Variants in MTMR7 observed in about 807,000 individuals in gnomAD.
MTMR7 encodes the protein myotubularin related protein 7.
In MTMR7, 76 loss-of-function variants were observed where a neutral mutation model predicts 81.2. The ratio of observed to expected loss-of-function variants is 0.94; its 90% CI spans 0.78 to 1.13. The LOEUF is 1.13. Among genes scored for constraint, MTMR7 ranks in the 50% most tolerant of loss-of-function variants. The pLI is 0.00. For synonymous variants in MTMR7, 372 were observed against 289.8 expected (o/e 1.28, Z -2.88); for missense variants, 1,044 against 820.0 (o/e 1.27, Z -3.34).
intron 13 of MTMR7, chr8:17,301,918 G>A: frequency 2.3e-6 from 1 of 442,792 alleles, no homozygotes; most frequent in Non-Finnish European, 3.9e-6. Flanking sequence ...CTAAAATAAG[G>A]AACAACCAAA....
At chr8:17,364,161 C>G (rs1316788642) in intron 3 of MTMR7, among the ~76,000 whole-genome samples, 1 of 151,078 alleles carries the variant, frequency 6.6e-6, no homozygotes, top group Non-Finnish European at 1.5e-5. Context: ...TCCGGAGTAG[C>G]TGGGACTACA....
At chr8:17,371,904 T>C (rs2410527) in intron 2 of MTMR7, among the ~76,000 whole-genome samples, 1 of 145,726 alleles carries the variant, frequency 6.9e-6, no homozygotes, top group Non-Finnish European at 1.5e-5. Context: ...TTTACTCTCA[T>C]AATTATTTTG....
Position 17,302,189 on chromosome 8 carries a change from G to C in MTMR7, c.1585C>G (p.Gln529Glu), listed in dbSNP as rs143429445. The C allele has an allele frequency of 1.2e-6, 2 of 1,614,126 alleles. No individual in the cohort carries two copies. Among genetic ancestry groups the C allele is most frequent in the African/African-American group, 2.7e-5 (2 of 75,050 alleles). Residue 529 changes from glutamine to glutamate, a missense_variant, in exon 13 of 14, where the codon CAG becomes GAG. Physicochemically the swap from Gln to Glu is conservative, Grantham distance 29. Coordinates refer to ENST00000180173, the MANE Select transcript of MTMR7 (RefSeq NM_004686.5). ...GCCTCTAGTTCTTCCTCTAGCTGCT[G>C]AGTTTCTTCCTTCACTGCCATTAGG... ...DYLMAVKEET[Q>E]QLEEELEALE...
rs76876669 is a variant in MTMR7, at chr8:17,374,961, C to T, written c.25-1721G>A. 0.027 allele frequency among the ~76,000 whole-genome samples: 4,055 copies of T among 151,958 alleles called. 469 individuals are homozygous for T. In the East Asian group the frequency reaches 0.32, roughly 12 times the overall value. On this transcript the variant is annotated intron_variant, in intron 1 of 13. Transcript: ENST00000180173. Reference sequence around the variant, plus strand: ...AAAATTAGCCAGGCGTGGTGCCCGGCACCTATAATCCCATCCACTCGGAAG... The same window carrying T: ...AAAATTAGCCAGGCGTGGTGCCCGGTACCTATAATCCCATCCACTCGGAAG...
intron 1 of MTMR7, among the ~76,000 whole-genome samples, chr8:17,407,528 G>A (rs1162601350): frequency 6.6e-6 from 1 of 151,758 alleles, no homozygotes; most frequent in Non-Finnish European, 1.5e-5. Context: ...ATAATGAGAT[G>A]TTCATCAGGA....
At chr8:17,338,881 T>C (rs1161623939) in intron 6 of MTMR7, 1 of 149,306 alleles carries the variant, frequency 6.7e-6, no homozygotes, top group Non-Finnish European at 1.5e-5. Flanking sequence ...GATTCGCTCA[T>C]CTGGCATCCG....
intron 5 of MTMR7, among the ~76,000 whole-genome samples, chr8:17,346,567 C>A (rs1819556928): frequency 1.3e-5 from 2 of 152,066 alleles, no homozygotes; most frequent in African/African-American, 4.8e-5. Flanking sequence ...TGAGGTCTAA[C>A]TGCTAAAAAT....
intron 6 of MTMR7, among the ~76,000 whole-genome samples, chr8:17,337,703 A>G (rs888771186): frequency 3.9e-5 from 6 of 151,934 alleles, no homozygotes; most frequent in African/African-American, 1.5e-4. Context: ...GCAGCCTCAA[A>G]CTCCTGGGCT....
intron 3 of MTMR7, among the ~76,000 whole-genome samples, chr8:17,366,555 T>G (rs1397736165): frequency 6.6e-6 from 1 of 151,962 alleles, no homozygotes; most frequent in African/African-American, 2.4e-5. Flanking sequence ...AAAGCTAAAT[T>G]GCATCAAACA....
At chr8:17,397,118 G>A (rs917690303) in intron 1 of MTMR7, among the ~76,000 whole-genome samples, 9 of 151,954 alleles carry the variant, frequency 5.9e-5, no homozygotes, top group Admixed American at 5.9e-4. Flanking sequence ...AGGCGTGCTG[G>A]CTTCAGGGGA....
intron 1 of MTMR7, among the ~76,000 whole-genome samples, chr8:17,402,695 C>T (rs1053611707): frequency 6.6e-6 from 1 of 152,212 alleles, no homozygotes; most frequent in Non-Finnish European, 1.5e-5. Context: ...CAAATCTCGA[C>T]TTCTGTGAAT....
At chr8:17,371,224 A>G (rs1820411719) in intron 2 of MTMR7, 25 bp from the exon 3 acceptor site, 3 of 1,610,720 alleles carry the variant, frequency 1.9e-6, no homozygotes, top group African/African-American at 1.3e-5. Flanking sequence ...TAATGTGCAT[A>G]AGCTAAGCAC....
At chr8:17,341,974 T>C (rs1488209727) in intron 5 of MTMR7, among the ~76,000 whole-genome samples, 1 of 151,946 alleles carries the variant, frequency 6.6e-6, no homozygotes, top group Non-Finnish European at 1.5e-5. Context: ...AAAAACCAAT[T>C]CTAATTCTAA....
chr8:17,365,527 G>C (rs1331016852), intron 3 of MTMR7, among the ~76,000 whole-genome samples: 10 of 152,110 alleles, frequency 6.6e-5, no homozygotes, highest in Admixed American at 6.5e-4. Context: ...TCCCATCACA[G>C]TCTAAGCCAG....
At chr8:17,317,063 A>AATGGCAGT (rs1442576419) in intron 7 of MTMR7, among the ~76,000 whole-genome samples, 1 of 152,208 alleles carries the variant, frequency 6.6e-6, no homozygotes, top group Non-Finnish European at 1.5e-5. Flanking sequence ...TAAGAATATT[A>AATGGCAGT]ATGGCAGTTT....
chr8:17,373,882 A>C (rs1481720411), intron 1 of MTMR7, among the ~76,000 whole-genome samples: 1 of 152,202 alleles, frequency 6.6e-6, no homozygotes, highest in Admixed American at 6.5e-5. Flanking sequence ...TACAAAGCAT[A>C]CCTCTCTCAT....
At chr8:17,346,611 T>C (rs888690576) in intron 5 of MTMR7, among the ~76,000 whole-genome samples, 1 of 151,498 alleles carries the variant, frequency 6.6e-6, no homozygotes, top group Non-Finnish European at 1.5e-5. Flanking sequence ...TTAATCCTGA[T>C]ACTACTCACA....
intron 7 of MTMR7, among the ~76,000 whole-genome samples, chr8:17,314,317 C>T (rs1228038393): frequency 1.3e-5 from 2 of 152,074 alleles, no homozygotes; most frequent in Non-Finnish European, 2.9e-5. Flanking sequence ...GCAGTAAACA[C>T]ACATAGGGAA....
At chr8:17,380,519 C>T (rs1030149779) in intron 1 of MTMR7, among the ~76,000 whole-genome samples, 2 of 151,466 alleles carry the variant, frequency 1.3e-5, no homozygotes, top group Admixed American at 6.6e-5. Flanking sequence ...AGAAGACGAA[C>T]TGTATTGGGC....
Sources: gnomAD v4.1 joint callset for allele counts (sites outside exome capture counted in the v4.1 genomes callset) on GRCh38, gnomAD v4.1.1 for gene constraint, MANE v1.5 for transcripts, NCBI Gene and HGNC (gene_info 2026-07-23, HGNC 2026-07-21) for gene names.